Variants in SPATA9 observed in about 807,000 individuals in gnomAD.
SPATA9 encodes spermatogenesis-associated protein 9.
SPATA9 carries 27 observed loss-of-function variants against 25.5 expected under a neutral mutation model. The ratio of observed to expected loss-of-function variants is 1.06; its 90% CI spans 0.78 to 1.46. The LOEUF (loss-of-function observed/expected upper bound fraction) is 1.46. Among genes scored for constraint, SPATA9 ranks in the 40% most tolerant of loss-of-function variants. The pLI, the probability that SPATA9 is intolerant of heterozygous loss-of-function variation, is 0.00. For missense variants in SPATA9, 282 were observed against 297.5 expected (o/e 0.95, Z 0.38); for synonymous variants, 102 against 105.7 (o/e 0.97, Z 0.21).
rs181475578 is a variant in SPATA9 at position 95,659,416 on chromosome 5, A to G, written c.475-503T>C. The G allele has an allele frequency of 4.1e-3, 626 of 153,532 alleles. 7 individuals carry two copies. Among genetic ancestry groups the G allele is most frequent in the South Asian group, 9.1e-3 (45 of 4,924 alleles). 9.5% of individuals were successfully genotyped at this position (153,532 alleles called of 1,614,324 possible). ...ATCCACTGTCCCCTCCAAATATGCC[A>G]CTCAGTACTTTAAGGAGAGGAGTGT... On this transcript the variant is annotated intron_variant, in intron 4 of 4. Transcript: ENST00000274432.
downstream of SPATA9, chr5:95,654,373 T>A (rs545602367): frequency 1.3e-6 from 2 of 1,569,338 alleles, no homozygotes. Flanking sequence ...TAGAGGTATG[T>A]AAAATTAAAT....
At chr5:95,674,261 A>C (rs1752700130) in intron 3 of SPATA9, among the ~76,000 whole-genome samples, 1 of 152,176 alleles carries the variant, frequency 6.6e-6, no homozygotes, top group South Asian at 2.1e-4. Context: ...GTATTTGTTG[A>C]TTTCAGCTAT....
upstream of SPATA9, among the ~76,000 whole-genome samples, chr5:95,701,577 G>A (rs1754180486): frequency 6.6e-6 from 1 of 151,834 alleles, no homozygotes; most frequent in Admixed American, 6.6e-5. Context: ...GCTAGACAAA[G>A]AGAAAGCATC....
the SPATA9 span, among the ~76,000 whole-genome samples, chr5:95,728,115 T>C: frequency 6.7e-4 from 102 of 152,228 alleles, no homozygotes; most frequent in Non-Finnish European, 1.2e-3. Flanking sequence ...TGCACAAAAG[T>C]TGAGAAACGT....
chr5:95,691,672 T>C (rs1247284402), intron 1 of SPATA9, among the ~76,000 whole-genome samples: 2 of 152,204 alleles, frequency 1.3e-5, no homozygotes, highest in Non-Finnish European at 2.9e-5. Flanking sequence ...TCTTTTTCCA[T>C]GTTAATGCCA....
At chr5:95,689,180 CA>C (rs1461767294) in intron 1 of SPATA9, among the ~76,000 whole-genome samples, 1 of 152,172 alleles carries the variant, frequency 6.6e-6, no homozygotes, top group African/African-American at 2.4e-5. Flanking sequence ...GACCAGAAAA[CA>C]GACACAATAA....
chr5:95,676,301 A>G, intron 2 of SPATA9, among the ~76,000 whole-genome samples: 1 of 152,156 alleles, frequency 6.6e-6, no homozygotes, highest in East Asian at 1.9e-4. Context: ...CTGGTATTTG[A>G]TTACATGAAT....
At chr5:95,664,257 A>G (rs562120541) in intron 3 of SPATA9, among the ~76,000 whole-genome samples, 5 of 152,304 alleles carry the variant, frequency 3.3e-5, no homozygotes, top group African/African-American at 9.6e-5. Flanking sequence ...CCTGTGACAA[A>G]TCTATAAAAA....
At chr5:95,713,190 G>C in the SPATA9 span, among the ~76,000 whole-genome samples, 2 of 152,028 alleles carry the variant, frequency 1.3e-5, no homozygotes, top group Non-Finnish European at 2.9e-5. Context: ...GTTTGTAACA[G>C]ATCCTTTAAT....
intron 4 of SPATA9, among the ~76,000 whole-genome samples, chr5:95,662,282 G>T (rs985768835): frequency 6.6e-6 from 1 of 152,110 alleles, no homozygotes; most frequent in South Asian, 2.1e-4. Context: ...AACGTGAAAG[G>T]TAAACTAACA....
the SPATA9 span, among the ~76,000 whole-genome samples, chr5:95,710,095 T>C: frequency 6.6e-6 from 1 of 152,144 alleles, no homozygotes; most frequent in South Asian, 2.1e-4. Flanking sequence ...GCTGAGGTGT[T>C]TGCTTGTAAA....
chr5:95,667,987 C>T (rs1004416604), intron 3 of SPATA9, among the ~76,000 whole-genome samples: 1 of 152,190 alleles, frequency 6.6e-6, no homozygotes, highest in African/African-American at 2.4e-5. Flanking sequence ...CCTTTGCCTT[C>T]CACCTTGATT....
exon 9 of SPATA9, chr5:95,653,066 T>G (rs1485940060): frequency 1.9e-6 from 3 of 1,547,944 alleles, no homozygotes; most frequent in Non-Finnish European, 2.6e-6. Context: ...CTGGAACACA[T>G]TCACCAAGAC....
intron 3 of SPATA9, among the ~76,000 whole-genome samples, chr5:95,664,747 C>T (rs181274582): frequency 2.2e-4 from 34 of 152,292 alleles, no homozygotes; most frequent in Non-Finnish European, 5.0e-4. Flanking sequence ...CATTCCCTTT[C>T]CATTCAGCAG....
At chr5:95,710,994 G>A in the SPATA9 span, among the ~76,000 whole-genome samples, 1 of 152,052 alleles carries the variant, frequency 6.6e-6, no homozygotes, top group African/African-American at 2.4e-5. Context: ...ATTTTCGGGG[G>A]CCGCCGGGTC....
chr5:95,683,857 G>A (rs913739846), upstream of SPATA9, among the ~76,000 whole-genome samples: 3 of 152,144 alleles, frequency 2.0e-5, no homozygotes, highest in Non-Finnish European at 2.9e-5. Flanking sequence ...TTATATTTTA[G>A]TGTGAATGAA....
chr5:95,664,931 CTA>C (rs1390072287), intron 3 of SPATA9, among the ~76,000 whole-genome samples: 10 of 152,180 alleles, frequency 6.6e-5, no homozygotes, highest in Middle Eastern at 6.8e-3. Flanking sequence ...ATTGAAAAAA[CTA>C]AAACAATGAT....
At chr5:95,704,504 T>A in the SPATA9 span, among the ~76,000 whole-genome samples, 1 of 152,172 alleles carries the variant, frequency 6.6e-6, no homozygotes, top group African/African-American at 2.4e-5. Flanking sequence ...ATGTATAGAA[T>A]GTTACATGTC....
the SPATA9 span, among the ~76,000 whole-genome samples, chr5:95,719,028 G>A: frequency 7.9e-5 from 12 of 152,308 alleles, no homozygotes; most frequent in Middle Eastern, 6.8e-3. Flanking sequence ...GTATAAAGTG[G>A]AGGGGAGGTG....
Sources: allele counts gnomAD v4.1 joint callset (sites outside exome capture counted in the v4.1 genomes callset), GRCh38; gene constraint gnomAD v4.1.1; transcripts MANE v1.5; gene names NCBI Gene and HGNC (gene_info 2026-07-23, HGNC 2026-07-21).